GPC5: variants seen among roughly 807,000 people sequenced by gnomAD.
GPC5 encodes the protein glypican 5.
GPC5 carries 47 observed loss-of-function variants against 53.9 expected under a neutral mutation model. That is an observed-to-expected ratio of 0.87 (90% CI 0.69 to 1.11). The LOEUF (loss-of-function observed/expected upper bound fraction) is 1.11. Ranked by LOEUF, GPC5 falls within the 50% of genes most tolerant of loss-of-function variation. The probability of loss-of-function intolerance (pLI) is 0.00; values close to 1 mark genes in which losing one functional copy is unlikely to be tolerated. For synonymous variants in GPC5, 286 were observed against 263.3 expected (o/e 1.09, Z -0.84); for missense variants, 748 against 713.1 (o/e 1.05, Z -0.56).
intron 6 of GPC5, among the ~76,000 whole-genome samples, chr13:92,077,439 C>T (rs1015348315): frequency 2.6e-5 from 4 of 152,158 alleles, no homozygotes; most frequent in African/African-American, 7.2e-5. Context: ...GATCTGAGCC[C>T]TAATTCCTAA....
chr13:92,680,945 C>T (rs552771902), intron 7 of GPC5, among the ~76,000 whole-genome samples: 20 of 152,190 alleles, frequency 1.3e-4, no homozygotes, highest in African/African-American at 4.1e-4. Context: ...CTGGATATCC[C>T]TCAGGTACCT....
chr13:91,793,369 AC>A (rs1212294045), intron 5 of GPC5, among the ~76,000 whole-genome samples: 1 of 152,184 alleles, frequency 6.6e-6, no homozygotes, highest in Non-Finnish European at 1.5e-5. Flanking sequence ...TATGGGGGCT[AC>A]AATTCAAGAT....
At chr13:91,916,819 C>T (rs74802043) in intron 6 of GPC5, among the ~76,000 whole-genome samples, 21 of 152,248 alleles carry the variant, frequency 1.4e-4, no homozygotes, top group African/African-American at 4.6e-4. Context: ...GTGAGACTCA[C>T]TCACTACCAT....
intron 7 of GPC5, among the ~76,000 whole-genome samples, chr13:92,235,318 T>C (rs769831802): frequency 1.3e-5 from 2 of 152,202 alleles, no homozygotes; most frequent in African/African-American, 2.4e-5. Flanking sequence ...GACTCACTAA[T>C]ACTGTATTTA....
chr13:91,493,969 G>A (rs1316157609), intron 2 of GPC5, among the ~76,000 whole-genome samples: 1 of 151,960 alleles, frequency 6.6e-6, no homozygotes, highest in Admixed American at 6.6e-5. Context: ...CGCCTCCCTG[G>A]TTCAAGCAAT....
intron 7 of GPC5, among the ~76,000 whole-genome samples, chr13:92,392,203 C>A (rs1875036481): frequency 6.6e-6 from 1 of 152,084 alleles, no homozygotes; most frequent in Non-Finnish European, 1.5e-5. Context: ...TTTTAAAATT[C>A]AAACCATAAT....
intron 6 of GPC5, among the ~76,000 whole-genome samples, chr13:92,054,686 C>T (rs190518597): frequency 6.6e-6 from 1 of 152,298 alleles, no homozygotes; most frequent in African/African-American, 2.4e-5. Flanking sequence ...AAGGAGTTGA[C>T]ATTGTCTGAC....
chr13:92,752,917 G>A (rs1049795766), intron 7 of GPC5, among the ~76,000 whole-genome samples: 4 of 152,170 alleles, frequency 2.6e-5, no homozygotes, highest in African/African-American at 9.6e-5. Flanking sequence ...TGGGGGAGGG[G>A]CGCATACCAT....
chr13:91,586,181 G>C (rs940858282), intron 2 of GPC5, among the ~76,000 whole-genome samples: 1 of 151,270 alleles, frequency 6.6e-6, no homozygotes, highest in Non-Finnish European at 1.5e-5. Context: ...GCTTACAATA[G>C]AGCCCAGTTT....
chr13:92,660,190 A>G (rs1264238288), intron 7 of GPC5, among the ~76,000 whole-genome samples: 20 of 152,152 alleles, frequency 1.3e-4, no homozygotes, highest in Middle Eastern at 3.4e-3. Context: ...CCTATAGTAC[A>G]TTTTGTTTTT....
At chr13:92,382,996 C>G (rs1279516327) in intron 7 of GPC5, among the ~76,000 whole-genome samples, 1 of 106,130 alleles carries the variant, frequency 9.4e-6, no homozygotes, top group African/African-American at 4.3e-5. Context: ...GAGCAAGACT[C>G]CGTCTCAAAA....
At chr13:92,078,802 A>G (rs1005975355) in intron 6 of GPC5, among the ~76,000 whole-genome samples, 1 of 152,160 alleles carries the variant, frequency 6.6e-6, no homozygotes, top group African/African-American at 2.4e-5. Flanking sequence ...ACCTCTTTGC[A>G]TGCTGCCATT....
chr13:92,362,255 C>G (rs944877001), intron 7 of GPC5, among the ~76,000 whole-genome samples: 1 of 151,662 alleles, frequency 6.6e-6, no homozygotes, highest in Admixed American at 6.6e-5. Flanking sequence ...GTAAGAATTG[C>G]TTCTTTTCAA....
At chr13:91,658,894 G>A (rs1417625679) in intron 2 of GPC5, among the ~76,000 whole-genome samples, 4 of 152,082 alleles carry the variant, frequency 2.6e-5, no homozygotes, top group African/African-American at 7.2e-5. Context: ...TGACACTAGT[G>A]GCAGAAACAA....
intron 7 of GPC5, among the ~76,000 whole-genome samples, chr13:92,532,078 C>G (rs374975830): frequency 2.0e-5 from 3 of 152,254 alleles, no homozygotes; most frequent in African/African-American, 4.8e-5. Context: ...ATATCCATAT[C>G]TCCAGCCTGC....
intron 2 of GPC5, among the ~76,000 whole-genome samples, chr13:91,569,770 G>C (rs2031699508): frequency 6.6e-6 from 1 of 152,094 alleles, no homozygotes; most frequent in East Asian, 1.9e-4. Context: ...GCTAAAGGGA[G>C]CTAGCTTAGG....
intron 7 of GPC5, among the ~76,000 whole-genome samples, chr13:92,745,031 A>G (rs911160041): frequency 3.9e-5 from 6 of 152,034 alleles, no homozygotes; most frequent in Non-Finnish European, 7.4e-5. Context: ...CAATAACTGT[A>G]AAATTATAAA....
intron 7 of GPC5, among the ~76,000 whole-genome samples, chr13:92,678,638 G>A (rs2139219053): frequency 6.6e-6 from 1 of 152,322 alleles, no homozygotes; most frequent in East Asian, 1.9e-4. Flanking sequence ...TGTAAGGCAA[G>A]AAGAGGGACC....
At chr13:92,072,487 G>A (rs1452627747) in intron 6 of GPC5, among the ~76,000 whole-genome samples, 3 of 151,336 alleles carry the variant, frequency 2.0e-5, no homozygotes, top group Admixed American at 1.3e-4. Flanking sequence ...GGCTGGTCTC[G>A]AACTCCTGAC....
Sources: allele counts gnomAD v4.1 joint callset (sites outside exome capture counted in the v4.1 genomes callset), GRCh38; gene constraint gnomAD v4.1.1; transcripts MANE v1.5; gene names NCBI Gene and HGNC (gene_info 2026-07-23, HGNC 2026-07-21).